Variants in TMEM131 observed in about 807,000 individuals in gnomAD.
TMEM131 encodes 2610524E03Rik.
TMEM131 carries 66 observed loss-of-function variants against 211.6 expected under a neutral mutation model. The ratio of observed to expected loss-of-function variants is 0.31; its 90% CI spans 0.26 to 0.38. The LOEUF (loss-of-function observed/expected upper bound fraction) is 0.38. TMEM131 is among the 10% of genes least tolerant of loss of function. The probability of loss-of-function intolerance (pLI) is 1.00; values close to 1 mark genes in which losing one functional copy is unlikely to be tolerated. For missense variants in TMEM131, 2,036 were observed against 2,299.3 expected, an observed-to-expected ratio of 0.89 and a Z score of 2.34; for synonymous variants, 844 against 841.3, an observed-to-expected ratio of 1.00 and a Z score of -0.06.
chr2:97,802,192 C>T (rs1681065534), intron 24 of TMEM131, among the ~76,000 whole-genome samples: 1 of 152,154 alleles, frequency 6.6e-6, no homozygotes, highest in African/African-American at 2.4e-5. Context: ...TTTCTCTTTA[C>T]ACATTTTTAG....
intron 4 of TMEM131, among the ~76,000 whole-genome samples, chr2:97,884,493 G>A (rs1409108023): frequency 6.6e-6 from 1 of 152,136 alleles, no homozygotes; most frequent in Non-Finnish European, 1.5e-5. Flanking sequence ...CTGTCTAGAT[G>A]ACCTGTCCAA....
chr2:97,793,563 T>TA lies in TMEM131; in HGVS notation c.3387-11dup, dbSNP rs756042505. 1.1e-4 allele frequency: 180 copies of TA among 1,580,800 alleles called. No homozygotes were observed. Among genetic ancestry groups the TA allele is most frequent in the South Asian group, 1.9e-4 (16 of 85,412 alleles). On this transcript the variant is annotated splice_polypyrimidine_tract_variant and intron_variant, in intron 29 of 40. Transcript: ENST00000186436. ...CAAAAGAAACAGTGCACTGCAGGGG[T>TA]AAAAAAAATTGGAAAATCAGGATTC...
At chr2:97,847,153 C>T (rs1683490104) in intron 5 of TMEM131, among the ~76,000 whole-genome samples, 1 of 150,280 alleles carries the variant, frequency 6.7e-6, no homozygotes, top group South Asian at 2.1e-4. Flanking sequence ...TGCGCCACTG[C>T]ACTCCAGCCT....
At chr2:97,898,504 A>C (rs1388692077) in intron 3 of TMEM131, among the ~76,000 whole-genome samples, 1 of 152,154 alleles carries the variant, frequency 6.6e-6, no homozygotes, top group Admixed American at 6.6e-5. Context: ...TATCCTTACA[A>C]AAAGAGACAC....
intron 5 of TMEM131, among the ~76,000 whole-genome samples, chr2:97,849,717 C>CTTTTTTTT (rs11320615): frequency 3.9e-5 from 4 of 103,826 alleles, no homozygotes; most frequent in East Asian, 2.6e-4. Context: ...CTCTCTCTCT[C>CTTTTTTTT]TTTTTTTTTT....
chr2:97,944,557 A>T (rs1677945508), intron 1 of TMEM131, among the ~76,000 whole-genome samples: 1 of 152,224 alleles, frequency 6.6e-6, no homozygotes, highest in Admixed American at 6.5e-5. Context: ...AAATTTCTGC[A>T]AATGATGTAT....
At position 97,792,560 on chromosome 2, in the gene TMEM131, C is replaced by T. The variant is rs781179296; in HGVS notation, c.3970G>A (p.Ala1324Thr). Reference protein sequence around the residue: ...QEPQPERLSPAPLAHPSHPER... With the variant: ...QEPQPERLSPTPLAHPSHPER... Reference sequence around the variant, plus strand: ...GGGTGGGAAGGGTGTGCGAGGGGGGCGGGAGACAGCCTTTCAGGCTGCGGC... The same window carrying T: ...GGGTGGGAAGGGTGTGCGAGGGGGGTGGGAGACAGCCTTTCAGGCTGCGGC... Residue 1324 changes from alanine to threonine, a missense_variant, in exon 31 of 41, where the codon GCC (alanine) becomes ACC (threonine). Physicochemically the swap from Ala to Thr is moderately conservative, Grantham distance 58 (BLOSUM62 0). Around this residue, in one of 3 missense-constraint regions of TMEM131, gnomAD observed 1,623 missense variants for 1,805.9 expected, o/e 0.90. Transcript: ENST00000186436. The T allele has an allele frequency of 7.4e-6, 12 of 1,612,802 alleles. No individual in the cohort carries two copies. Among genetic ancestry groups the T allele is most frequent in the East Asian group, 6.7e-5 (3 of 44,882 alleles).
At chr2:97,802,016 G>C in intron 24 of TMEM131, 55 bp from the exon 25 acceptor site, 1 of 1,230,232 alleles carries the variant, frequency 8.1e-7, no homozygotes, top group Non-Finnish European at 1.2e-6. Flanking sequence ...AGTTAAGGGA[G>C]TTATGGAGTG....
chr2:97,947,926 T>C (rs552369241), intron 1 of TMEM131, among the ~76,000 whole-genome samples: 23 of 152,266 alleles, frequency 1.5e-4, no homozygotes, highest in African/African-American at 4.6e-4. Flanking sequence ...GGCAATTCAA[T>C]TGGGGAAAAG....
At chr2:97,882,053 A>C (rs1559421712) in intron 4 of TMEM131, among the ~76,000 whole-genome samples, 1 of 152,244 alleles carries the variant, frequency 6.6e-6, no homozygotes, top group Non-Finnish European at 1.5e-5. Flanking sequence ...CTTTGTCCCA[A>C]GACTACTTTC....
intron 3 of TMEM131, among the ~76,000 whole-genome samples, chr2:97,900,994 G>A (rs1422148935): frequency 1.3e-5 from 2 of 152,002 alleles, no homozygotes; most frequent in African/African-American, 2.4e-5. Context: ...TCATATAACC[G>A]TTAGTCATTT....
chr2:97,793,993 CAAAAAAAAAAA>C (rs1169823016), intron 29 of TMEM131, among the ~76,000 whole-genome samples: 1 of 54,434 alleles, frequency 1.8e-5, no homozygotes, highest in Non-Finnish European at 3.1e-5. Context: ...GACTCTGTCT[CAAAAAAAAAAA>C]AAAAAAAAAA....
chr2:97,963,829 T>G (rs1678924825), intron 1 of TMEM131, among the ~76,000 whole-genome samples: 1 of 152,244 alleles, frequency 6.6e-6, no homozygotes, highest in South Asian at 2.1e-4. Flanking sequence ...AATCAGATGT[T>G]TATACTACAT....
rs777620922 is a variant in TMEM131 at position 97,855,438 on chromosome 2, G to A, written c.483+3866C>T. Among the ~76,000 whole-genome samples, 55 of 152,120 alleles carry A rather than the reference G, an allele frequency of 3.6e-4. 1 individual carries two copies. Among genetic ancestry groups the A allele is most frequent in the East Asian group, 1.9e-4 (1 of 5,190 alleles). ...TTATAGGCAAGGCACGGTGGCTCAC[G>A]CCTGTCATCCCGGCACTTTGGGAGG... On this transcript the variant is annotated intron_variant, in intron 5 of 40. Transcript: ENST00000186436.
At position 97,859,721 on chromosome 2, in the gene TMEM131, C is replaced by T. The variant is rs1363398695; in HGVS notation, c.360-294G>A. 2.0e-5 allele frequency among the ~76,000 whole-genome samples: 3 copies of T among 152,284 alleles called. No homozygotes were observed. The East Asian group carries it at 5.8e-4, about 29-fold the overall frequency. On this transcript the variant is annotated intron_variant, in intron 4 of 40. Coordinates refer to ENST00000186436, the MANE Select transcript of TMEM131 (RefSeq NM_015348.2). The stretch of plus-strand genomic sequence containing the variant: ...GGACGGGGCACAAAATGGTCAGTTC[C>T]TTTTCTTTCTTTCTGTACCACCACC...
At chr2:97,923,837 TGG>T (rs1476716467) in intron 2 of TMEM131, among the ~76,000 whole-genome samples, 1 of 151,916 alleles carries the variant, frequency 6.6e-6, no homozygotes, top group East Asian at 1.9e-4. Flanking sequence ...TCCCCGCACT[TGG>T]GGAGGCTGAG....
chr2:97,940,304 T>A (rs757662162), intron 1 of TMEM131, among the ~76,000 whole-genome samples: 1 of 152,198 alleles, frequency 6.6e-6, no homozygotes, highest in African/African-American at 2.4e-5. Context: ...CTCAAGCTGA[T>A]AAGCAACTTC....
intron 3 of TMEM131, among the ~76,000 whole-genome samples, chr2:97,890,732 T>C (rs1675343273): frequency 6.6e-6 from 1 of 152,246 alleles, no homozygotes; most frequent in South Asian, 2.1e-4. Context: ...AAATGAGCAC[T>C]ATCTTGGATG....
intron 1 of TMEM131, among the ~76,000 whole-genome samples, chr2:97,928,994 T>C (rs2104449017): frequency 6.6e-6 from 1 of 151,916 alleles, no homozygotes; most frequent in East Asian, 1.9e-4. Flanking sequence ...CTGTCAGCTC[T>C]AAGAGCCTAA....
Sources: allele counts gnomAD v4.1 joint callset (sites outside exome capture counted in the v4.1 genomes callset), GRCh38; gene constraint gnomAD v4.1.1; regional missense constraint gnomAD v4.1.1; transcripts MANE v1.5; gene names NCBI Gene and HGNC (gene_info 2026-07-23, HGNC 2026-07-21).